Variants in DCDC1 observed in about 807,000 individuals in gnomAD.
DCDC1 encodes doublecortin domain-containing protein 1.
A neutral mutation model predicts 178.3 loss-of-function variants in DCDC1; 200 were observed. The observed-to-expected ratio is 1.12, with a 90% CI of 1.00 to 1.26. The LOEUF is 1.26. DCDC1 is among the 50% of genes most tolerant of loss of function. The pLI is 0.00. For missense variants in DCDC1, 1,983 were observed against 1,749.2 expected, an observed-to-expected ratio of 1.13 and a Z score of -2.38; for synonymous variants, 690 against 604.8, an observed-to-expected ratio of 1.14 and a Z score of -2.07.
At chr11:30,944,536 A>G (rs765576320) in intron 21 of DCDC1, among the ~76,000 whole-genome samples, 3 of 152,204 alleles carry the variant, frequency 2.0e-5, no homozygotes, top group Admixed American at 6.6e-5. Flanking sequence ...GTTCACTGAA[A>G]TAGAGTTTGT....
At chr11:31,191,028 A>G (rs961381071) in intron 9 of DCDC1, among the ~76,000 whole-genome samples, 5 of 152,084 alleles carry the variant, frequency 3.3e-5, no homozygotes, top group African/African-American at 1.2e-4. Context: ...ACATCCTCCC[A>G]TATACTTTAA....
At chr11:31,322,295 A>T (rs1311502190) in intron 3 of DCDC1, among the ~76,000 whole-genome samples, 1 of 152,236 alleles carries the variant, frequency 6.6e-6, no homozygotes, top group East Asian at 1.9e-4. Context: ...AATAAAATAA[A>T]AGAAAGCTGA....
In DCDC1 at chr11:31,094,206, G is replaced by C. The variant is rs755309209; in HGVS notation, c.1984-22C>G. ...CTACCTGTATCATAAGAAGAAGTAT[G>C]CATTTTTAACTCATAGTCTAAGAGT... On this transcript the variant is annotated intron_variant, in intron 15 of 38. Transcript: ENST00000684477. 16 of 765,232 alleles carry C rather than the reference G, an allele frequency of 2.1e-5. No homozygotes were observed. The East Asian group carries it at 3.9e-4, about 19-fold the overall frequency. 47.4% of individuals were successfully genotyped at this position (765,232 alleles called of 1,614,324 possible).
chr11:31,177,263 A>G (rs1591315986), intron 9 of DCDC1, among the ~76,000 whole-genome samples: 1 of 152,076 alleles, frequency 6.6e-6, no homozygotes, highest in Non-Finnish European at 1.5e-5. Flanking sequence ...TGTTAGCCCC[A>G]TGATAATGAC....
In DCDC1 at chr11:30,865,058, G is replaced by C. The variant is rs1204756914; in HGVS notation, c.*315C>G. The C allele has an allele frequency of 3.3e-5, 5 of 152,126 alleles. No homozygotes were observed. Among genetic ancestry groups the C allele is most frequent in the African/African-American group, 1.2e-4 (5 of 41,422 alleles). The allele number at this position is 152,126 out of a possible 1,614,324, so 9.4% of individuals were successfully genotyped here. On this transcript the variant is annotated 3_prime_UTR_variant, in exon 39 of 39. Transcript: ENST00000684477. ...TGGAGTCACACGCTCACTCAATTCT[G>C]AGAGGCCTGGCCAAGGCAAAGAGAA...
intron 1 of DCDC1, among the ~76,000 whole-genome samples, chr11:31,365,944 A>G (rs957039745): frequency 1.2e-4 from 19 of 152,208 alleles, no homozygotes; most frequent in Non-Finnish European, 2.4e-4. Context: ...AATTCCTAAA[A>G]TACTGTTATG....
chr11:31,365,522 C>G (rs1276595195), intron 1 of DCDC1, among the ~76,000 whole-genome samples: 2 of 152,020 alleles, frequency 1.3e-5, no homozygotes, highest in African/African-American at 4.8e-5. Flanking sequence ...ATGTATACAT[C>G]TATATAATAT....
chr11:31,180,469 C>A (rs538728812), intron 9 of DCDC1, among the ~76,000 whole-genome samples: 8 of 152,094 alleles, frequency 5.3e-5, no homozygotes, highest in Non-Finnish European at 1.0e-4. Context: ...ATGCAGAAAG[C>A]GGGTGATTTC....
At chr11:31,180,811 TTTG>T (rs984308093) in intron 9 of DCDC1, among the ~76,000 whole-genome samples, 1 of 151,866 alleles carries the variant, frequency 6.6e-6, no homozygotes, top group Non-Finnish European at 1.5e-5. Context: ...CAGGAGTTTT[TTTG>T]TTGTTTTTTT....
intron 22 of DCDC1, among the ~76,000 whole-genome samples, chr11:30,927,478 A>G (rs1294721051): frequency 6.6e-6 from 1 of 152,196 alleles, no homozygotes; most frequent in African/African-American, 2.4e-5. Context: ...GTTACATAAT[A>G]TAAATACAAC....
chr11:31,167,974 T>C (rs559413167), intron 9 of DCDC1, among the ~76,000 whole-genome samples: 10 of 152,300 alleles, frequency 6.6e-5, no homozygotes, highest in Middle Eastern at 3.4e-3. Flanking sequence ...TTCACAGCTT[T>C]AAGCAATGCC....
In DCDC1 at chr11:31,021,538, C is replaced by T. The variant is rs547406399; in HGVS notation, c.2591+42931G>A. The stretch of plus-strand genomic sequence containing the variant: ...ATGAATGGGAATGCTTTCATATTTC[C>T]CTGTATATGCATTAAAAAAATCTCT... On this transcript the variant is annotated intron_variant, in intron 20 of 38. Transcript: ENST00000684477. Among the ~76,000 whole-genome samples, 23 of 152,058 alleles carry T rather than the reference C, an allele frequency of 1.5e-4. No individual in the cohort carries two copies. The South Asian group carries it at 4.4e-3, about 29-fold the overall frequency.
chr11:31,365,040 A>C (rs1394288631), intron 1 of DCDC1, among the ~76,000 whole-genome samples: 1 of 152,132 alleles, frequency 6.6e-6, no homozygotes. Flanking sequence ...AGCACCTGGT[A>C]TTTCCTCTGG....
chr11:31,302,237 G>A lies in DCDC1; in HGVS notation c.754+3378C>T, dbSNP rs148548952. ...GGGCACGAACCATTTATTATGCTAT[G>A]TTTGCATTACTTACATACAGCTCCT... On this transcript the variant is annotated intron_variant, in intron 6 of 38. Transcript: ENST00000684477. Among the ~76,000 whole-genome samples, 41 of 152,196 alleles carry A rather than the reference G, an allele frequency of 2.7e-4. No homozygotes were observed. In the East Asian group the frequency reaches 7.3e-3, roughly 27 times the overall value.
At chr11:31,309,513 C>A (rs1214204466) in intron 3 of DCDC1, among the ~76,000 whole-genome samples, 1 of 152,214 alleles carries the variant, frequency 6.6e-6, no homozygotes, top group East Asian at 1.9e-4. Context: ...TGGAGCTTCA[C>A]ACGGTTACCA....
chr11:31,117,756 T>C (rs760364780), intron 11 of DCDC1, among the ~76,000 whole-genome samples: 1 of 151,398 alleles, frequency 6.6e-6, no homozygotes, highest in African/African-American at 2.4e-5. Context: ...CTAAGTTCAA[T>C]ATATGAAAAT....
intron 9 of DCDC1, among the ~76,000 whole-genome samples, chr11:31,142,126 G>A (rs1041043368): frequency 6.6e-6 from 1 of 152,166 alleles, no homozygotes; most frequent in Non-Finnish European, 1.5e-5. Context: ...GGGAGAGTGG[G>A]GGAAGCCACT....
intron 20 of DCDC1, among the ~76,000 whole-genome samples, chr11:30,988,908 G>A (rs9667150): frequency 0.47 from 70,745 of 151,914 alleles, 17,685 homozygotes; most frequent in Middle Eastern, 0.6. Flanking sequence ...GCTTCATATG[G>A]TTAGAAATTC....
At chr11:31,279,696 T>C (rs1591627046) in intron 7 of DCDC1, among the ~76,000 whole-genome samples, 1 of 151,940 alleles carries the variant, frequency 6.6e-6, no homozygotes, top group East Asian at 1.9e-4. Context: ...TGGGAACACA[T>C]GGACACAGGG....
Sources: allele counts gnomAD v4.1 joint callset (sites outside exome capture counted in the v4.1 genomes callset), GRCh38; gene constraint gnomAD v4.1.1; transcripts MANE v1.5; gene names NCBI Gene and HGNC (gene_info 2026-07-23, HGNC 2026-07-21).